TTC13: variants seen among roughly 807,000 people sequenced by gnomAD.
TTC13 encodes the protein tetratricopeptide repeat protein 13.
TTC13 carries 62 observed loss-of-function variants against 120.0 expected under a neutral mutation model. The ratio of observed to expected loss-of-function variants is 0.52; its 90% CI spans 0.42 to 0.64. The LOEUF (loss-of-function observed/expected upper bound fraction) is 0.64, where lower values mean the gene tolerates loss of function less well. Ranked by LOEUF, TTC13 falls within the 30% of genes least tolerant of loss-of-function variation. The pLI is 0.00. For missense variants in TTC13, 824 were observed against 1,050.2 expected (o/e 0.78, Z 2.98); for synonymous variants, 384 against 393.5 (o/e 0.98, Z 0.28).
chr1:230,924,016 G>C (rs1672824489), intron 14 of TTC13, 83 bp from the exon 15 acceptor site: 1 of 1,052,806 alleles, frequency 9.5e-7, no homozygotes. Flanking sequence ...CAAAGGTGGG[G>C]ATAAAGCAAC....
chr1:230,978,490 C>T lies in TTC13; in HGVS notation c.271+70G>A. 2.3e-6 allele frequency: 1 copy of T among 440,448 alleles called. No individual in the cohort carries two copies. The highest frequency in any genetic ancestry group is 4.7e-5 in the Admixed American group (1 of 21,106). 27.3% of individuals were successfully genotyped at this position (440,448 alleles called of 1,614,324 possible). ...GCGTGAGGCCCGGGCGACCCGTACCCCGGCCCGGGACCCCAGCCCCGCTGC... is the reference window on the plus strand; with the variant it reads ...GCGTGAGGCCCGGGCGACCCGTACCTCGGCCCGGGACCCCAGCCCCGCTGC... On this transcript the variant is annotated intron_variant, in intron 1 of 22. Coordinates refer to ENST00000366661, the MANE Select transcript of TTC13 (RefSeq NM_024525.5). The surrounding 1 kb of genome is among the most constrained non-coding windows in gnomAD (Gnocchi z 5.6).
rs1349769523 is a variant in TTC13, at chr1:230,978,198, T to C, written c.271+362A>G. 3.9e-5 allele frequency among the ~76,000 whole-genome samples: 6 copies of C among 151,940 alleles called. No homozygotes were observed. The highest frequency in any genetic ancestry group is 8.8e-5 in the Non-Finnish European group (6 of 67,960). On this transcript the variant is annotated intron_variant, in intron 1 of 22. Coordinates refer to ENST00000366661, the MANE Select transcript of TTC13 (RefSeq NM_024525.5). This position sits in a 1 kb window ranked among gnomAD's most constrained non-coding sequence, Gnocchi z 5.6. Reference sequence around the variant, plus strand: ...GTCCGCCCGCCCCTCCCTCGCCCCTTCGGCATCCTCGGGAGGCCGGCGGCG... The same window carrying C: ...GTCCGCCCGCCCCTCCCTCGCCCCTCCGGCATCCTCGGGAGGCCGGCGGCG...
intron 4 of TTC13, among the ~76,000 whole-genome samples, chr1:230,947,198 C>A (rs1005908550): frequency 6.6e-6 from 1 of 151,922 alleles, no homozygotes; most frequent in Admixed American, 6.5e-5. Flanking sequence ...AGCCTGCCCC[C>A]CCAGAGATAA....
intron 1 of TTC13, among the ~76,000 whole-genome samples, chr1:230,972,383 TA>T (rs1351039061): frequency 6.6e-6 from 1 of 152,188 alleles, no homozygotes; most frequent in African/African-American, 2.4e-5. Context: ...TGTATTTTGA[TA>T]AAAAAGTAAA....
chr1:230,907,409 G>A (rs1285378319), intron 22 of TTC13, among the ~76,000 whole-genome samples: 1 of 152,176 alleles, frequency 6.6e-6, no homozygotes, highest in African/African-American at 2.4e-5. Flanking sequence ...TTCTTAACTC[G>A]CAAAGTTACC....
intron 3 of TTC13, among the ~76,000 whole-genome samples, chr1:230,957,418 CAG>C (rs1459455855): frequency 2.0e-5 from 3 of 152,306 alleles, no homozygotes; most frequent in Admixed American, 2.0e-4. Flanking sequence ...GCCTGGGCCA[CAG>C]AGCAAGACCC....
intron 1 of TTC13, among the ~76,000 whole-genome samples, chr1:230,975,424 A>G (rs1189153727): frequency 2.0e-5 from 3 of 152,164 alleles, no homozygotes; most frequent in African/African-American, 7.2e-5. Flanking sequence ...AAAGGATTAA[A>G]AAAGATTGCA....
intron 8 of TTC13, chr1:230,936,767 C>T (rs931751851): frequency 6.5e-6 from 1 of 153,076 alleles, no homozygotes; most frequent in South Asian, 2.1e-4. Context: ...ATAAAGATAG[C>T]TCAAACTCAC....
intron 17 of TTC13, among the ~76,000 whole-genome samples, chr1:230,917,363 T>C (rs561337731): frequency 6.6e-6 from 1 of 152,152 alleles, no homozygotes; most frequent in Non-Finnish European, 1.5e-5. Context: ...AGAGTGGGAA[T>C]GTGGGCCCAA....
At chr1:230,975,974 T>C (rs927003034) in intron 1 of TTC13, among the ~76,000 whole-genome samples, 4 of 152,220 alleles carry the variant, frequency 2.6e-5, no homozygotes, top group Non-Finnish European at 4.4e-5. Context: ...GGCGGTTCTG[T>C]CTCAAGGGAA....
At chr1:230,954,187 C>G (rs1018124065) in intron 4 of TTC13, 146 bp downstream of exon 4, 26 of 492,130 alleles carry the variant, frequency 5.3e-5, no homozygotes, top group Non-Finnish European at 7.7e-5. Flanking sequence ...GGCCTGGCAG[C>G]AAGAAAGTGC....
At chr1:230,929,449 G>A (rs1385922065) in intron 11 of TTC13, among the ~76,000 whole-genome samples, 1 of 151,736 alleles carries the variant, frequency 6.6e-6, no homozygotes, top group East Asian at 2.0e-4. Context: ...CGAGTAGCTG[G>A]GACTACAGGC....
chr1:230,939,468 T>C lies in TTC13; in HGVS notation c.818A>G (p.Gln273Arg), dbSNP rs758361534. 1.2e-6 allele frequency: 2 copies of C among 1,611,672 alleles called. No individual in the cohort carries two copies. Among genetic ancestry groups the C allele is most frequent in the Non-Finnish European group, 1.7e-6 (2 of 1,178,268 alleles). Reference protein sequence around the residue: ...EDYATAHEDFQQSLELNKNQP... With the variant: ...EDYATAHEDFRQSLELNKNQP... ...GTTTTTGTTCAGTTCTAAGGACTGC[T>C]GAAAGTCTTCATGGGCTGTTGCATA... The change falls in exon 8 of 23, where the codon CAG becomes CGG. Residue 273 changes from glutamine to arginine, a missense_variant. Gln to Arg is a conservative substitution (Grantham distance 43, BLOSUM62 1). Coordinates refer to ENST00000366661, the MANE Select transcript of TTC13 (RefSeq NM_024525.5).
intron 17 of TTC13, among the ~76,000 whole-genome samples, chr1:230,916,622 A>G (rs1672057877): frequency 6.6e-6 from 1 of 152,220 alleles, no homozygotes; most frequent in Non-Finnish European, 1.5e-5. Context: ...TGTCCATCTT[A>G]GTAGGCAGCA....
At position 230,942,761 on chromosome 1, in the gene TTC13, C is replaced by T. The variant is rs1674630229; in HGVS notation, c.672+1045G>A. Among the ~76,000 whole-genome samples the T allele has an allele frequency of 1.3e-5, 2 of 152,156 alleles. No individual in the cohort carries two copies. ...GAATGCCTTTGTACAGACTCTCTTCCCTGCGCTGAACACTCTCCTCCATCT... is the reference window on the plus strand; with the variant it reads ...GAATGCCTTTGTACAGACTCTCTTCTCTGCGCTGAACACTCTCCTCCATCT... On this transcript the variant is annotated intron_variant, in intron 6 of 22. Coordinates refer to ENST00000366661, the MANE Select transcript of TTC13 (RefSeq NM_024525.5). This position sits in a 1 kb window ranked among gnomAD's most constrained non-coding sequence, Gnocchi z 4.0.
intron 12 of TTC13, 57 bp from the exon 13 acceptor site, chr1:230,925,704 A>G: frequency 1.3e-6 from 2 of 1,595,478 alleles, no homozygotes; most frequent in Non-Finnish European, 1.7e-6. Flanking sequence ...TTGGTAATCC[A>G]ATTCCACCTG....
At chr1:230,951,429 T>A (rs1675570706) in intron 4 of TTC13, among the ~76,000 whole-genome samples, 1 of 151,918 alleles carries the variant, frequency 6.6e-6, no homozygotes. Flanking sequence ...CCAAAAATTC[T>A]GTACATGAAT....
At chr1:230,955,588 A>G (rs565430191) in intron 3 of TTC13, among the ~76,000 whole-genome samples, 61 of 150,486 alleles carry the variant, frequency 4.1e-4, no homozygotes, top group South Asian at 8.4e-4. Context: ...GGAGAATGGC[A>G]TGAACCCAGG....
At chr1:230,936,454 C>T (rs1674064172) in intron 8 of TTC13, 1 of 321,758 alleles carries the variant, frequency 3.1e-6, no homozygotes, top group African/African-American at 2.2e-5. Context: ...AGGGCTGTTC[C>T]TTGTAACTAA....
Sources: allele counts gnomAD v4.1 joint callset (sites outside exome capture counted in the v4.1 genomes callset), GRCh38; gene constraint gnomAD v4.1.1; non-coding constraint Gnocchi (gnomAD v3.1); transcripts MANE v1.5; gene names NCBI Gene and HGNC (gene_info 2026-07-23, HGNC 2026-07-21).